The following MERTK variants were observed in gnomAD, a reference collection of about 807,000 sequenced individuals.
MERTK encodes the protein MER proto-oncogene, tyrosine kinase.
Under a neutral mutation model 99.3 loss-of-function variants are expected in MERTK, and 69 were observed. The ratio of observed to expected loss-of-function variants is 0.70; its 90% CI spans 0.57 to 0.85. The LOEUF is 0.85. Among genes scored for constraint, MERTK ranks in the 40% least tolerant of loss-of-function variants. MERTK has a pLI of 0.00. For missense variants in MERTK, 1,125 were observed against 1,249.4 expected (o/e 0.90, Z 1.50); for synonymous variants, 426 against 467.6 (o/e 0.91, Z 1.15).
chr2:111,947,933 T>TGACACCGAGAGAGTGGATTC (rs1684990722), intron 4 of MERTK, among the ~76,000 whole-genome samples: 1 of 152,068 alleles, frequency 6.6e-6, no homozygotes, highest in African/African-American at 2.4e-5. Context: ...TCAGTGGATT[T>TGACACCGAGAGAGTGGATTC]GACACCGAGA....
At chr2:111,985,670 G>T (rs947225416) in intron 8 of MERTK, among the ~76,000 whole-genome samples, 1 of 152,106 alleles carries the variant, frequency 6.6e-6, no homozygotes, top group Non-Finnish European at 1.5e-5. Flanking sequence ...CGTCTTACAT[G>T]GTGACAGGCA....
chr2:111,916,864 G>A (rs975777124), intron 1 of MERTK, among the ~76,000 whole-genome samples: 1 of 152,118 alleles, frequency 6.6e-6, no homozygotes, highest in Non-Finnish European at 1.5e-5. Flanking sequence ...CTGCCTCGTT[G>A]CTGCCAGGTA....
At position 112,021,484 on chromosome 2, in the gene MERTK, G is replaced by T; in HGVS notation, c.2252G>T (p.Gly751Val). The T allele has an allele frequency of 6.2e-7, 1 of 1,613,860 alleles. No homozygotes were observed. Among genetic ancestry groups the T allele is most frequent in the South Asian group, 1.1e-5 (1 of 91,060 alleles). Residue 751 changes from glycine to valine, a missense_variant, in exon 17 of 19, where the codon GGC becomes GTC. Coordinates refer to ENST00000295408, the MANE Select transcript of MERTK (RefSeq NM_006343.3). ...GGCCTCTCTAAGAAGATTTACAGTG[G>T]CGATTATTACCGCCAAGGCCGCATT... ...DFGLSKKIYS[G>V]DYYRQGRIAK...
At position 111,918,729 on chromosome 2, in the gene MERTK, T is replaced by G. The variant is rs548164883; in HGVS notation, c.62-10391T>G. Among the ~76,000 whole-genome samples the G allele has an allele frequency of 2.0e-5, 3 of 152,366 alleles. No individual in the cohort carries two copies. The South Asian group carries it at 6.2e-4, about 32-fold the overall frequency. The stretch of plus-strand genomic sequence containing the variant: ...AGTTGCACCTTTGAAACAAGACAGA[T>G]CAGATGTTTCATGTTAGGAAAATAA... On this transcript the variant is annotated intron_variant, in intron 1 of 18. Coordinates refer to ENST00000295408, the MANE Select transcript of MERTK (RefSeq NM_006343.3).
chr2:112,003,015 CT>C, intron 11 of MERTK, 76 bp from the exon 12 acceptor site: 1 of 764,976 alleles, frequency 1.3e-6, no homozygotes, highest in South Asian at 1.4e-5. Flanking sequence ...TTATACAGGA[CT>C]TTATTTCATT....
At chr2:111,906,085 G>A (rs1266524047) in intron 1 of MERTK, among the ~76,000 whole-genome samples, 1 of 151,832 alleles carries the variant, frequency 6.6e-6, no homozygotes, top group Non-Finnish European at 1.5e-5. Context: ...GTGCCTCCAT[G>A]TATTTCTGTT....
At chr2:111,975,540 G>A (rs926332831) in intron 7 of MERTK, 68 bp downstream of exon 7, 8 of 1,525,972 alleles carry the variant, frequency 5.2e-6, no homozygotes, top group Non-Finnish European at 7.3e-6. Flanking sequence ...CTTCCCAGTG[G>A]CCTGACTGAG....
chr2:111,909,492 C>G (rs562096401), intron 1 of MERTK, among the ~76,000 whole-genome samples: 4 of 152,294 alleles, frequency 2.6e-5, no homozygotes, highest in Non-Finnish European at 4.4e-5. Flanking sequence ...ACTCCTCAAA[C>G]CTCCATGATT....
chr2:112,001,484 C>T (rs906014597), intron 11 of MERTK, among the ~76,000 whole-genome samples, 198 bp downstream of exon 11: 1 of 152,286 alleles, frequency 6.6e-6, no homozygotes, highest in South Asian at 2.1e-4. Flanking sequence ...TTACTGCAAT[C>T]AGGAGCTTGA....
chr2:111,941,031 G>A (rs574499965), intron 2 of MERTK: 17 of 532,724 alleles, frequency 3.2e-5, no homozygotes, highest in South Asian at 2.9e-4. Context: ...GCTTTCATTG[G>A]AACATGCTCC....
rs531914747 is a variant in MERTK, at chr2:111,929,104, A to G, written c.62-16A>G. ...TCTTATTTAAAAGGCTAAAATTTGG[A>G]TGTTCTGTTTTACAGCTATCACTGA... On this transcript the variant is annotated splice_polypyrimidine_tract_variant and intron_variant, in intron 1 of 18. Transcript: ENST00000295408. 1.2e-6 allele frequency: 2 copies of G among 1,613,978 alleles called. No homozygotes were observed. The highest frequency in any genetic ancestry group is 1.7e-6 in the Non-Finnish European group (2 of 1,180,024).
intron 5 of MERTK, 50 bp downstream of exon 5, chr2:111,965,327 G>A: frequency 6.3e-7 from 1 of 1,579,434 alleles, no homozygotes; most frequent in Non-Finnish European, 8.7e-7. Context: ...GCTGGTGAGG[G>A]TACAGCATGA....
At chr2:111,969,908 G>C (rs896503908) in intron 6 of MERTK, among the ~76,000 whole-genome samples, 3 of 151,700 alleles carry the variant, frequency 2.0e-5, no homozygotes, top group African/African-American at 7.3e-5. Flanking sequence ...AGCCAGGATG[G>C]TCTCCATCTC....
chr2:111,994,399 C>T lies in MERTK; in HGVS notation c.1445C>T (p.Ala482Val). The T allele has an allele frequency of 6.2e-7, 1 of 1,614,134 alleles. No homozygotes were observed. Among genetic ancestry groups the T allele is most frequent in the Middle Eastern group, 1.6e-4 (1 of 6,062 alleles). Residue 482 changes from alanine (A) to valine (V), a missense_variant, in exon 9 of 19, where the codon GCA (alanine) becomes GTA (valine). Coordinates refer to ENST00000295408, the MANE Select transcript of MERTK (RefSeq NM_006343.3). ...FSDPVKIFIP[A>V]HGWVDYAPSS... ...GATCCAGTGAAAATATTTATCCCTG[C>T]ACACGGTGAGAGCTATACCCAGTAA...
intron 18 of MERTK, chr2:112,022,657 G>A: frequency 1.4e-6 from 1 of 706,074 alleles, no homozygotes; most frequent in Non-Finnish European, 2.6e-6. Context: ...GTCAAGACAA[G>A]GCAATGGCAC....
intron 9 of MERTK, chr2:111,994,814 G>C (rs1020238474): frequency 6.6e-6 from 2 of 302,534 alleles, no homozygotes; most frequent in Middle Eastern, 1.1e-3. Flanking sequence ...GGAAAAATAA[G>C]AATCAAAAAT....
rs777597513 is a variant in MERTK, at chr2:111,930,970, C to G, written c.482+1430C>G. ...TTAAAAGCACAAAATGAGGTCAGAGCCACACAGGGTGGAAGCAAGAGCCTT... is the reference window on the plus strand; with the variant it reads ...TTAAAAGCACAAAATGAGGTCAGAGGCACACAGGGTGGAAGCAAGAGCCTT... On this transcript the variant is annotated intron_variant, in intron 2 of 18. Transcript: ENST00000295408. Among the ~76,000 whole-genome samples, 4 of 152,200 alleles carry G rather than the reference C, an allele frequency of 2.6e-5. 1 individual carries two copies. The highest frequency in any genetic ancestry group is 4.8e-5 in the African/African-American group (2 of 41,454).
chr2:111,918,579 A>T (rs761988738), intron 1 of MERTK, among the ~76,000 whole-genome samples: 15 of 152,246 alleles, frequency 9.9e-5, no homozygotes, highest in Non-Finnish European at 1.8e-4. Context: ...GAGAAAGCAG[A>T]GGGAAACCTT....
chr2:111,997,534 G>A, intron 10 of MERTK, 58 bp downstream of exon 10: 3 of 1,584,160 alleles, frequency 1.9e-6, no homozygotes, highest in Non-Finnish European at 2.6e-6. Flanking sequence ...GTTATACCAA[G>A]TGATTATGCC....
Sources: allele counts gnomAD v4.1 joint callset (sites outside exome capture counted in the v4.1 genomes callset), GRCh38; gene constraint gnomAD v4.1.1; transcripts MANE v1.5; gene names NCBI Gene and HGNC (gene_info 2026-07-23, HGNC 2026-07-21).